The following PIK3CB variants were observed in gnomAD, a reference collection of about 807,000 sequenced individuals.
PIK3CB encodes phosphatidylinositol-4,5-bisphosphate 3-kinase catalytic subunit beta.
In PIK3CB, 39 loss-of-function variants were observed where a neutral mutation model predicts 136.8. That is an observed-to-expected ratio of 0.29 (90% CI 0.22 to 0.37). The LOEUF is 0.37. PIK3CB is among the 10% of genes least tolerant of loss of function. The probability of loss-of-function intolerance (pLI) is 1.00; values close to 1 mark genes in which losing one functional copy is unlikely to be tolerated. For missense variants in PIK3CB, 868 were observed against 1,275.4 expected, an observed-to-expected ratio of 0.68 and a Z score of 4.87; for synonymous variants, 428 against 436.6, an observed-to-expected ratio of 0.98 and a Z score of 0.25.
At position 138,678,924 on chromosome 3, in the gene PIK3CB, A is replaced by G. The variant is rs542296476; in HGVS notation, c.2504+3043T>C. 1.1e-4 allele frequency among the ~76,000 whole-genome samples: 16 copies of G among 151,988 alleles called. No individual in the cohort carries two copies. In the East Asian group the frequency reaches 3.1e-3, roughly 29 times the overall value. On this transcript the variant is annotated intron_variant, in intron 19 of 23. Coordinates refer to ENST00000674063, the MANE Select transcript of PIK3CB (RefSeq NM_006219.3). ...CTACTAAAAATACAAAAATTAACCA[A>G]GCCTGGTGACCCGTGCCTGTAATCC...
chr3:138,726,848 C>T (rs2044849213), intron 8 of PIK3CB, among the ~76,000 whole-genome samples: 1 of 150,600 alleles, frequency 6.6e-6, no homozygotes, highest in Non-Finnish European at 1.5e-5. Context: ...TCAAGGCCAA[C>T]CTGGACAACA....
At chr3:138,756,144 T>C (rs476800) in intron 3 of PIK3CB, among the ~76,000 whole-genome samples, 165 bp from the exon 4 acceptor site, 91,136 of 151,948 alleles carry the variant, frequency 0.6, 28,177 homozygotes, top group East Asian at 0.98. Flanking sequence ...TATTACAGAA[T>C]GGTGAAAATA....
At chr3:138,757,646 G>C (rs1029229765) in intron 3 of PIK3CB, among the ~76,000 whole-genome samples, 2 of 143,722 alleles carry the variant, frequency 1.4e-5, no homozygotes, top group Non-Finnish European at 1.5e-5. Flanking sequence ...GGGAAGGGAG[G>C]AGAGGGAGAG....
At position 138,779,542 on chromosome 3, in the gene PIK3CB, C is replaced by T. The variant is rs377324929; in HGVS notation, c.-17+16921G>A. ...GAGTAGTTGGGACCACAGGTGCATG[C>T]CACCATGCCTGGCTAATTTTTTGTA... On this transcript the variant is annotated intron_variant, in intron 2 of 23. Coordinates refer to ENST00000674063, the MANE Select transcript of PIK3CB (RefSeq NM_006219.3). Among the ~76,000 whole-genome samples, 7 of 152,030 alleles carry T rather than the reference C, an allele frequency of 4.6e-5. No homozygotes were observed. In the East Asian group the frequency reaches 7.7e-4, roughly 17 times the overall value.
intron 2 of PIK3CB, among the ~76,000 whole-genome samples, chr3:138,763,981 C>T (rs184775318): frequency 1.4e-3 from 213 of 151,952 alleles, no homozygotes; most frequent in African/African-American, 4.8e-3. Flanking sequence ...CATGGAGGCA[C>T]GCCCCTGTAA....
chr3:138,818,280 G>A (rs561748527), intron 1 of PIK3CB, among the ~76,000 whole-genome samples: 4 of 152,124 alleles, frequency 2.6e-5, no homozygotes, highest in African/African-American at 9.6e-5. Context: ...GAATTCTCTC[G>A]CTCAAAACCC....
chr3:138,780,214 C>G (rs1263804892), intron 2 of PIK3CB, among the ~76,000 whole-genome samples: 1 of 152,128 alleles, frequency 6.6e-6, no homozygotes, highest in African/African-American at 2.4e-5. Context: ...CCCACCTTGG[C>G]TTCCAAAGTG....
chr3:138,764,865 G>A (rs1251682801), intron 2 of PIK3CB, among the ~76,000 whole-genome samples: 1 of 152,144 alleles, frequency 6.6e-6, no homozygotes. Flanking sequence ...CAAGCACCCA[G>A]GACATACCTG....
intron 12 of PIK3CB, among the ~76,000 whole-genome samples, chr3:138,701,135 C>T (rs1019111896): frequency 2.4e-4 from 36 of 151,192 alleles, no homozygotes; most frequent in African/African-American, 8.0e-4. Flanking sequence ...CATGACAAAA[C>T]ATCAGGCAAA....
In PIK3CB at chr3:138,812,316, A is replaced by C. The variant is rs568787307; in HGVS notation, c.-121-15749T>G. 2.6e-5 allele frequency among the ~76,000 whole-genome samples: 4 copies of C among 151,384 alleles called. No individual in the cohort carries two copies. The East Asian group carries it at 7.8e-4, about 29-fold the overall frequency. On this transcript the variant is annotated intron_variant, in intron 1 of 23. Coordinates refer to ENST00000674063, the MANE Select transcript of PIK3CB (RefSeq NM_006219.3). ...AAATGGTGCGATCTTGGCTCACTGC[A>C]ACCTCCGCCTCCTGGGTTCAAGCGA...
At chr3:138,715,171 T>C (rs534794159) in intron 8 of PIK3CB, among the ~76,000 whole-genome samples, 81 of 152,340 alleles carry the variant, frequency 5.3e-4, no homozygotes, top group Non-Finnish European at 9.8e-4. Context: ...TTTCTACTTC[T>C]AAATAATTTA....
chr3:138,744,227 A>G (rs2045300745), intron 4 of PIK3CB, among the ~76,000 whole-genome samples: 1 of 151,366 alleles, frequency 6.6e-6, no homozygotes, highest in East Asian at 1.9e-4. Context: ...CCCCATCTCT[A>G]CTAAAAATAC....
chr3:138,804,587 T>C (rs2046210911), intron 1 of PIK3CB, among the ~76,000 whole-genome samples: 2 of 152,334 alleles, frequency 1.3e-5, no homozygotes, highest in South Asian at 4.1e-4. Context: ...TCATTCTGAT[T>C]TGATATCCTT....
chr3:138,734,367 A>C (rs571308031), intron 7 of PIK3CB, among the ~76,000 whole-genome samples: 38 of 152,362 alleles, frequency 2.5e-4, no homozygotes, highest in African/African-American at 8.9e-4. Context: ...CCTATATTTA[A>C]ATCAAAATCT....
intron 10 of PIK3CB, among the ~76,000 whole-genome samples, chr3:138,708,228 A>G (rs1171266151): frequency 7.6e-6 from 1 of 132,106 alleles, no homozygotes; most frequent in African/African-American, 2.8e-5. Context: ...CTTTTTAAAT[A>G]TTTTCTCACC....
intron 2 of PIK3CB, among the ~76,000 whole-genome samples, chr3:138,775,828 G>C (rs1035810323): frequency 1.4e-4 from 22 of 152,158 alleles, no homozygotes; most frequent in African/African-American, 5.1e-4. Context: ...CTGTATTTAA[G>C]TTATAACATC....
chr3:138,830,690 G>A (rs1260083953), intron 1 of PIK3CB, among the ~76,000 whole-genome samples: 2 of 151,680 alleles, frequency 1.3e-5, no homozygotes, highest in East Asian at 1.9e-4. Context: ...ACGAGGTCAG[G>A]AGATCGAGAC....
chr3:138,773,326 G>A (rs2045821635), intron 2 of PIK3CB, among the ~76,000 whole-genome samples: 1 of 152,012 alleles, frequency 6.6e-6, no homozygotes, highest in Non-Finnish European at 1.5e-5. Context: ...GGGAGGCAGA[G>A]GTTGCAGTGA....
intron 1 of PIK3CB, among the ~76,000 whole-genome samples, chr3:138,832,843 A>C (rs1480076592): frequency 3.4e-5 from 5 of 147,548 alleles, no homozygotes; most frequent in Admixed American, 6.7e-5. Context: ...AAAAAAAAAA[A>C]AAAAAACAAA....
Sources: gnomAD v4.1 joint callset for allele counts (sites outside exome capture counted in the v4.1 genomes callset) on GRCh38, gnomAD v4.1.1 for gene constraint, MANE v1.5 for transcripts, NCBI Gene and HGNC (gene_info 2026-07-23, HGNC 2026-07-21) for gene names.